Variants in HIPK2 observed in about 807,000 individuals in gnomAD.
HIPK2 encodes homeodomain interacting protein kinase 2.
In HIPK2, 27 loss-of-function variants were observed where a neutral mutation model predicts 113.7. The observed-to-expected ratio is 0.24, with a 90% CI of 0.17 to 0.33. The LOEUF (loss-of-function observed/expected upper bound fraction) is 0.33, where lower values mean the gene tolerates loss of function less well. Among genes scored for constraint, HIPK2 ranks in the 10% least tolerant of loss-of-function variants. The pLI, the probability that HIPK2 is intolerant of heterozygous loss-of-function variation, is 1.00. For missense variants in HIPK2, 1,257 were observed against 1,588.0 expected (o/e 0.79, Z 3.54); for synonymous variants, 631 against 642.2 (o/e 0.98, Z 0.26).
chr7:139,650,349 C>CAAAAAAA (rs35368461), intron 2 of HIPK2, among the ~76,000 whole-genome samples: 1 of 100,216 alleles, frequency 1.0e-5, no homozygotes, highest in African/African-American at 4.2e-5. Flanking sequence ...GACTCCATCT[C>CAAAAAAA]AAAAAAAAAA....
At chr7:139,676,211 C>T (rs185564117) in intron 2 of HIPK2, among the ~76,000 whole-genome samples, 3 of 152,332 alleles carry the variant, frequency 2.0e-5, no homozygotes, top group Admixed American at 2.0e-4. Flanking sequence ...TCTCTGCTGA[C>T]GTGGCACAAG....
intron 7 of HIPK2, among the ~76,000 whole-genome samples, chr7:139,614,792 C>T (rs765491105): frequency 3.3e-5 from 5 of 152,214 alleles, no homozygotes; most frequent in Non-Finnish European, 5.9e-5. Flanking sequence ...TGTCTAAATG[C>T]TGAAAAGGCT....
At chr7:139,658,177 G>A (rs1801738746) in intron 2 of HIPK2, among the ~76,000 whole-genome samples, 1 of 152,154 alleles carries the variant, frequency 6.6e-6, no homozygotes, top group Non-Finnish European at 1.5e-5. Flanking sequence ...GGAGTGGTGT[G>A]TGCCTGTAAT....
At chr7:139,743,960 T>C (rs940799361) in intron 1 of HIPK2, among the ~76,000 whole-genome samples, 1 of 152,198 alleles carries the variant, frequency 6.6e-6, no homozygotes, top group Non-Finnish European at 1.5e-5. Context: ...ATTTTTTAAA[T>C]GAATGAAGAA....
chr7:139,760,102 A>ACGCCATT lies in HIPK2; in HGVS notation c.19+17496_19+17502dup, dbSNP rs1478760529. 1.8e-4 allele frequency among the ~76,000 whole-genome samples: 28 copies of ACGCCATT among 151,458 alleles called. No individual in the cohort carries two copies. The East Asian group carries it at 5.4e-3, about 29-fold the overall frequency. ...ACTGCAAGCTCCACCTCCCAGGTTC[A>ACGCCATT]CGCCATTCTCCTGCCTCAGCCTCCC... On this transcript the variant is annotated intron_variant, in intron 1 of 14. Transcript: ENST00000406875.
intron 10 of HIPK2, among the ~76,000 whole-genome samples, chr7:139,603,582 T>C (rs1294014555): frequency 6.6e-6 from 1 of 152,092 alleles, no homozygotes; most frequent in Admixed American, 6.5e-5. Flanking sequence ...ATGCCAGCAT[T>C]TACCCTTCCA....
At chr7:139,638,972 GAC>G (rs1800912522) in intron 2 of HIPK2, among the ~76,000 whole-genome samples, 1 of 152,130 alleles carries the variant, frequency 6.6e-6, no homozygotes, top group South Asian at 2.1e-4. Context: ...TGTCATTTTT[GAC>G]ACACAAATAC....
At chr7:139,676,006 C>T (rs547801337) in intron 2 of HIPK2, among the ~76,000 whole-genome samples, 6 of 152,314 alleles carry the variant, frequency 3.9e-5, no homozygotes, top group South Asian at 2.1e-4. Context: ...TCAGGTCAGT[C>T]GTCTCCTGAT....
chr7:139,573,424 C>T, intron 14 of HIPK2, 27 bp from the exon 15 acceptor site: 2 of 1,593,342 alleles, frequency 1.3e-6, no homozygotes. Flanking sequence ...CCAAGAGAGA[C>T]GTCAGGGGCC....
Position 139,630,981 on chromosome 7 carries a change from C to T in HIPK2, c.1347+184G>A, listed in dbSNP as rs898084167. 17 of 292,434 alleles carry T rather than the reference C, an allele frequency of 5.8e-5. No individual in the cohort carries two copies. The highest frequency in any genetic ancestry group is 8.2e-5 in the Non-Finnish European group (16 of 196,246). 18.1% of individuals were successfully genotyped at this position (292,434 alleles called of 1,614,324 possible). A position where few individuals can be genotyped will look rare whatever the true frequency, so the allele number is the denominator to read the frequency against. ...AATCATAAGGTTGGACTCTCACAGG[C>T]GGCGATAGGCCAAGGGAAAGAGGGG... On this transcript the variant is annotated intron_variant, in intron 4 of 14. Transcript: ENST00000406875. The surrounding 1 kb of genome is among the most constrained non-coding windows in gnomAD (Gnocchi z 4.0).
chr7:139,646,306 G>A (rs111469531), intron 2 of HIPK2, among the ~76,000 whole-genome samples: 1 of 152,044 alleles, frequency 6.6e-6, no homozygotes, highest in African/African-American at 2.4e-5. Flanking sequence ...GAGTAGCCTG[G>A]GCAACATAGT....
At chr7:139,625,371 GAC>G (rs57009743) in intron 6 of HIPK2, among the ~76,000 whole-genome samples, 18,895 of 152,150 alleles carry the variant, frequency 0.12, 1,258 homozygotes, top group African/African-American at 0.17. Context: ...TTTTTTTCCA[GAC>G]TCATTTGACT....
At chr7:139,672,855 T>C (rs1802353275) in intron 2 of HIPK2, among the ~76,000 whole-genome samples, 1 of 152,238 alleles carries the variant, frequency 6.6e-6, no homozygotes, top group Non-Finnish European at 1.5e-5. Flanking sequence ...TCTACATGAC[T>C]ACCTCATCTT....
At chr7:139,728,887 T>C (rs1043978178) in intron 1 of HIPK2, among the ~76,000 whole-genome samples, 1 of 152,218 alleles carries the variant, frequency 6.6e-6, no homozygotes, top group Admixed American at 6.5e-5. Context: ...ATTAGTCTAA[T>C]ATCATAGCTG....
intron 2 of HIPK2, among the ~76,000 whole-genome samples, chr7:139,639,064 C>T (rs757810278): frequency 6.6e-6 from 1 of 152,202 alleles, no homozygotes; most frequent in African/African-American, 2.4e-5. Flanking sequence ...GCCTGGCACA[C>T]AGAAGCTGCT....
At chr7:139,671,153 G>A (rs919980565) in intron 2 of HIPK2, among the ~76,000 whole-genome samples, 2 of 152,052 alleles carry the variant, frequency 1.3e-5, no homozygotes, top group Non-Finnish European at 2.9e-5. Flanking sequence ...TGGAAACAAT[G>A]AACCAAAAGA....
rs540785760 is a variant in HIPK2 at position 139,771,120 on chromosome 7, C to G, written c.19+6485G>C. ...TAACCACTCTCATAAACACCTAGCT[C>G]ACTCACCTTGGAGAACCTAGTAAAA... On this transcript the variant is annotated intron_variant, in intron 1 of 14. Coordinates refer to ENST00000406875, the MANE Select transcript of HIPK2 (RefSeq NM_022740.5). Among the ~76,000 whole-genome samples the G allele has an allele frequency of 1.8e-4, 28 of 152,282 alleles. No individual in the cohort carries two copies. In the South Asian group the frequency reaches 5.6e-3, roughly 30 times the overall value.
intron 1 of HIPK2, among the ~76,000 whole-genome samples, chr7:139,766,296 T>C (rs1318066957): frequency 6.6e-6 from 1 of 152,254 alleles, no homozygotes; most frequent in East Asian, 1.9e-4. Context: ...GTATTAGCTG[T>C]TATGATCATC....
intron 2 of HIPK2, among the ~76,000 whole-genome samples, chr7:139,636,278 C>T (rs1800810850): frequency 6.6e-6 from 1 of 151,814 alleles, no homozygotes; most frequent in Non-Finnish European, 1.5e-5. Flanking sequence ...CCTTTGTAGG[C>T]TCGCCCTCTT....
Sources: gnomAD v4.1 joint callset for allele counts (sites outside exome capture counted in the v4.1 genomes callset) on GRCh38, gnomAD v4.1.1 for gene constraint, Gnocchi (gnomAD v3.1) non-coding constraint, MANE v1.5 for transcripts, NCBI Gene and HGNC (gene_info 2026-07-23, HGNC 2026-07-21) for gene names.